DPP6: variants seen among roughly 807,000 people sequenced by gnomAD.
DPP6 encodes the protein A-type potassium channel modulatory protein DPP6.
Under a neutral mutation model 122.6 loss-of-function variants are expected in DPP6, and 69 were observed. The observed-to-expected ratio is 0.56, with a 90% CI of 0.46 to 0.69. DPP6 has a LOEUF of 0.69. Ranked by LOEUF, DPP6 falls within the 30% of genes least tolerant of loss-of-function variation. DPP6 has a pLI of 0.00. For missense variants in DPP6, 928 were observed against 1,116.9 expected (o/e 0.83, Z 2.41); for synonymous variants, 418 against 433.1 (o/e 0.97, Z 0.43).
At chr7:154,520,243 G>A (rs1042564124) in intron 3 of DPP6, among the ~76,000 whole-genome samples, 4 of 151,188 alleles carry the variant, frequency 2.6e-5, no homozygotes, top group African/African-American at 7.3e-5. Flanking sequence ...TAAGTCCAGA[G>A]GTGGAATCTA....
At position 154,774,633 on chromosome 7, in the gene DPP6, C is replaced by A. The variant is rs1367784659; in HGVS notation, c.1136+1691C>A. ...TTTTATATGCAATGTAAATTTGTAGCATGTAAATGTCACACTTTCTCATAC... is the reference window on the plus strand; with the variant it reads ...TTTTATATGCAATGTAAATTTGTAGAATGTAAATGTCACACTTTCTCATAC... On this transcript the variant is annotated intron_variant, in intron 10 of 25. Coordinates refer to ENST00000377770, the MANE Select transcript of DPP6 (RefSeq NM_130797.4). Among the ~76,000 whole-genome samples the A allele has an allele frequency of 2.6e-5, 4 of 152,322 alleles. No individual in the cohort carries two copies. The East Asian group carries it at 7.7e-4, about 29-fold the overall frequency.
At chr7:154,251,264 G>A (rs78818609) in intron 1 of DPP6, among the ~76,000 whole-genome samples, 13,046 of 152,200 alleles carry the variant, frequency 0.086, 841 homozygotes, top group East Asian at 0.18. Flanking sequence ...TTCAGAGGAA[G>A]AGCTACAGAT....
At chr7:154,704,045 A>G (rs1326138408) in intron 7 of DPP6, among the ~76,000 whole-genome samples, 2 of 152,270 alleles carry the variant, frequency 1.3e-5, no homozygotes, top group Non-Finnish European at 1.5e-5. Flanking sequence ...GAAAGGATTT[A>G]TCATCCCAGA....
chr7:154,724,444 C>T (rs909231473), intron 7 of DPP6, among the ~76,000 whole-genome samples: 18 of 152,340 alleles, frequency 1.2e-4, no homozygotes, highest in African/African-American at 4.3e-4. Flanking sequence ...CCTTCTCCAT[C>T]TCCATGGTTA....
chr7:153,899,205 CCTCCTCCTT>C (rs1799538642), intron 1 of DPP6, among the ~76,000 whole-genome samples: 2 of 151,782 alleles, frequency 1.3e-5, no homozygotes, highest in Non-Finnish European at 1.5e-5. Context: ...TCCTCCTCCT[CCTCCTCCTT>C]CTCCTCCTCC....
intron 1 of DPP6, among the ~76,000 whole-genome samples, chr7:154,071,734 C>T (rs1211600112): frequency 1.3e-5 from 2 of 152,158 alleles, no homozygotes; most frequent in Non-Finnish European, 2.9e-5. Flanking sequence ...CTGTTTGTGC[C>T]CGTATTTTAT....
chr7:154,888,420 G>C (rs190841748), intron 23 of DPP6, among the ~76,000 whole-genome samples: 8 of 152,160 alleles, frequency 5.3e-5, no homozygotes, highest in Non-Finnish European at 7.4e-5. Flanking sequence ...GGAGCAGAAG[G>C]CCTCTCTGAT....
intron 7 of DPP6, among the ~76,000 whole-genome samples, chr7:154,717,444 T>C (rs1280660936): frequency 6.6e-6 from 1 of 151,920 alleles, no homozygotes; most frequent in Admixed American, 6.6e-5. Context: ...TACTCTCTAC[T>C]TCTATGAGAG....
chr7:154,564,992 C>T (rs1830652705), intron 4 of DPP6, among the ~76,000 whole-genome samples: 1 of 152,134 alleles, frequency 6.6e-6, no homozygotes, highest in Non-Finnish European at 1.5e-5. Context: ...GGGTCCCAGG[C>T]ATAGTGCTGA....
At chr7:153,968,383 T>G (rs1206969299) in intron 1 of DPP6, among the ~76,000 whole-genome samples, 1 of 152,224 alleles carries the variant, frequency 6.6e-6, no homozygotes. Flanking sequence ...TCATATTCTT[T>G]GTCCACTTTT....
the DPP6 span, among the ~76,000 whole-genome samples, chr7:153,860,170 A>G: frequency 6.6e-6 from 1 of 152,142 alleles, no homozygotes; most frequent in South Asian, 2.1e-4. Context: ...GCATATTTCG[A>G]GATTTAAAAG....
At chr7:154,542,777 C>A (rs1430746434) in intron 4 of DPP6, among the ~76,000 whole-genome samples, 1 of 152,200 alleles carries the variant, frequency 6.6e-6, no homozygotes, top group Admixed American at 6.5e-5. Flanking sequence ...CTCCTGTCAA[C>A]AGACTCAAAA....
intron 16 of DPP6, among the ~76,000 whole-genome samples, chr7:154,808,937 T>C (rs1798862265): frequency 6.6e-6 from 1 of 152,178 alleles, no homozygotes; most frequent in African/African-American, 2.4e-5. Context: ...TGACAGAGCC[T>C]CCATCGTGGA....
intron 1 of DPP6, among the ~76,000 whole-genome samples, chr7:154,376,098 G>A (rs541742042): frequency 4.1e-4 from 62 of 152,310 alleles, no homozygotes; most frequent in African/African-American, 1.3e-3. Context: ...GACAGCACAC[G>A]GTGAGAGGCT....
At chr7:154,221,724 C>G (rs1185840061) in intron 1 of DPP6, among the ~76,000 whole-genome samples, 1 of 152,156 alleles carries the variant, frequency 6.6e-6, no homozygotes, top group Non-Finnish European at 1.5e-5. Context: ...CAGATCTTCT[C>G]TTCATTCCAG....
chr7:154,086,403 C>A (rs999914264), intron 1 of DPP6, among the ~76,000 whole-genome samples: 11 of 148,046 alleles, frequency 7.4e-5, no homozygotes, highest in Non-Finnish European at 1.6e-4. Context: ...TGACTTTACC[C>A]ATAAAGAAAG....
At chr7:153,991,925 T>C (rs1385777163) in intron 1 of DPP6, among the ~76,000 whole-genome samples, 7 of 151,832 alleles carry the variant, frequency 4.6e-5, no homozygotes, top group Non-Finnish European at 4.4e-5. Flanking sequence ...GCACAGAAAT[T>C]TGTTTTCTCT....
chr7:154,462,726 TGC>T, intron 2 of DPP6, among the ~76,000 whole-genome samples: 1 of 152,142 alleles, frequency 6.6e-6, no homozygotes, highest in Non-Finnish European at 1.5e-5. Flanking sequence ...TGTATACATG[TGC>T]CATGCTGGTG....
chr7:154,583,417 C>A (rs2130681920), intron 5 of DPP6, among the ~76,000 whole-genome samples: 1 of 152,340 alleles, frequency 6.6e-6, no homozygotes, highest in African/African-American at 2.4e-5. Flanking sequence ...GCCCTGGCTG[C>A]CCTCTGGCTG....
Sources: gnomAD v4.1 joint callset for allele counts (sites outside exome capture counted in the v4.1 genomes callset) on GRCh38, gnomAD v4.1.1 for gene constraint, MANE v1.5 for transcripts, NCBI Gene and HGNC (gene_info 2026-07-23, HGNC 2026-07-21) for gene names.